GAB1: variants seen among roughly 807,000 people sequenced by gnomAD.
GAB1 encodes GRB2-associated-binding protein 1.
GAB1 carries 19 observed loss-of-function variants against 66.5 expected under a neutral mutation model. That is an observed-to-expected ratio of 0.29 (90% CI 0.20 to 0.42). The LOEUF (loss-of-function observed/expected upper bound fraction) is 0.42, where lower values mean the gene tolerates loss of function less well. Among genes scored for constraint, GAB1 ranks in the 10% least tolerant of loss-of-function variants. GAB1 has a pLI of 1.00. For synonymous variants in GAB1, 294 were observed against 301.4 expected, an observed-to-expected ratio of 0.98 and a Z score of 0.25; for missense variants, 732 against 858.5, an observed-to-expected ratio of 0.85 and a Z score of 1.84.
At chr4:143,352,681 A>G (rs1463189369) in intron 1 of GAB1, among the ~76,000 whole-genome samples, 1 of 152,206 alleles carries the variant, frequency 6.6e-6, no homozygotes, top group Non-Finnish European at 1.5e-5. Context: ...ACCCCTGCTG[A>G]TTCTGAAGTA....
intron 2 of GAB1, among the ~76,000 whole-genome samples, chr4:143,423,499 C>T (rs1034169039): frequency 5.9e-5 from 9 of 151,930 alleles, no homozygotes; most frequent in African/African-American, 2.4e-5. Flanking sequence ...AGATCGAGAC[C>T]ATCCTGGCTA....
At chr4:143,446,706 A>G (rs1734569569) in intron 6 of GAB1, among the ~76,000 whole-genome samples, 1 of 152,136 alleles carries the variant, frequency 6.6e-6, no homozygotes, top group Non-Finnish European at 1.5e-5. Flanking sequence ...CCTTTGCCAG[A>G]TGAGTAGGTT....
At chr4:143,369,193 G>A (rs1730012569) in intron 1 of GAB1, among the ~76,000 whole-genome samples, 1 of 151,764 alleles carries the variant, frequency 6.6e-6, no homozygotes, top group Non-Finnish European at 1.5e-5. Flanking sequence ...CACCCACCTT[G>A]GCCTCCCGGA....
intron 6 of GAB1, among the ~76,000 whole-genome samples, chr4:143,444,941 T>C (rs1734430857): frequency 6.6e-6 from 1 of 152,198 alleles, no homozygotes; most frequent in Non-Finnish European, 1.5e-5. Flanking sequence ...GATTTCATTC[T>C]TTTTATGGCT....
intron 1 of GAB1, among the ~76,000 whole-genome samples, chr4:143,339,477 C>CTGCA (rs1432488532): frequency 2.0e-5 from 3 of 152,234 alleles, no homozygotes; most frequent in African/African-American, 7.2e-5. Flanking sequence ...TGCCATTGCA[C>CTGCA]TGCAGCCTGG....
chr4:143,398,814 C>G (rs1731593153), intron 1 of GAB1, among the ~76,000 whole-genome samples: 1 of 152,048 alleles, frequency 6.6e-6, no homozygotes, highest in African/African-American at 2.4e-5. Context: ...AATCCCAGCA[C>G]TTTGGGAAGC....
At chr4:143,445,120 G>A (rs145662590) in intron 6 of GAB1, among the ~76,000 whole-genome samples, 1 of 152,272 alleles carries the variant, frequency 6.6e-6, no homozygotes, top group African/African-American at 2.4e-5. Flanking sequence ...TAATGGAATT[G>A]CTAGGTTTAA....
chr4:143,378,850 T>C (rs1730533872), intron 1 of GAB1, among the ~76,000 whole-genome samples: 1 of 152,134 alleles, frequency 6.6e-6, no homozygotes. Context: ...GCTGACCCTT[T>C]GTATCTCCCA....
At chr4:143,427,461 G>A (rs1043301762) in intron 2 of GAB1, among the ~76,000 whole-genome samples, 4 of 151,992 alleles carry the variant, frequency 2.6e-5, no homozygotes, top group African/African-American at 7.2e-5. Flanking sequence ...ACGGGGTTGC[G>A]GGTAAATACA....
intron 1 of GAB1, chr4:143,343,610 T>G (rs1291473893): frequency 3.9e-5 from 6 of 154,856 alleles, no homozygotes. Flanking sequence ...GAAGACAAGC[T>G]GTCAGTCATT....
intron 2 of GAB1, among the ~76,000 whole-genome samples, chr4:143,423,792 GTATATATATATATATATATA>G (rs35559967): frequency 0.19 from 12,801 of 67,806 alleles, 1,414 homozygotes; most frequent in Non-Finnish European, 0.24. Context: ...AAAAAAAAGT[GTATATATATATATATATATA>G]TATATATATA....
chr4:143,380,312 A>G (rs895526895), intron 1 of GAB1, among the ~76,000 whole-genome samples: 2 of 152,148 alleles, frequency 1.3e-5, no homozygotes, highest in Admixed American at 1.3e-4. Context: ...TAGCCAAGCT[A>G]TAAAATCAAA....
chr4:143,384,284 ATAAT>A (rs1427967490), intron 1 of GAB1, among the ~76,000 whole-genome samples: 2 of 152,240 alleles, frequency 1.3e-5, no homozygotes, highest in African/African-American at 4.8e-5. Context: ...ACTAGTTATA[ATAAT>A]TAATTTTTAA....
At chr4:143,393,924 G>A (rs1436097107) in intron 1 of GAB1, among the ~76,000 whole-genome samples, 2 of 152,126 alleles carry the variant, frequency 1.3e-5, no homozygotes, top group South Asian at 2.1e-4. Flanking sequence ...AAGAAATAAA[G>A]TGGAAATAAA....
Position 143,466,242 on chromosome 4 carries a change from A to C in GAB1, c.1926+17A>C, listed in dbSNP as rs982527171. 8.1e-6 allele frequency: 13 copies of C among 1,612,120 alleles called. No homozygotes were observed. Among genetic ancestry groups the C allele is most frequent in the African/African-American group, 1.3e-5 (1 of 74,990 alleles). On this transcript the variant is annotated intron_variant, in intron 9 of 9. Transcript: ENST00000262994. ...CCACGTAAGGTGAGTGACATGTGAC[A>C]TGTCTCTTCTTTGTATACAGTTAGT...
At chr4:143,388,929 T>C (rs1009394421) in intron 1 of GAB1, among the ~76,000 whole-genome samples, 4 of 152,180 alleles carry the variant, frequency 2.6e-5, no homozygotes, top group Admixed American at 1.3e-4. Context: ...TTGCAAGGCA[T>C]AAGGAGGAGC....
intron 1 of GAB1, among the ~76,000 whole-genome samples, chr4:143,365,465 C>G (rs1729844840): frequency 6.6e-6 from 1 of 152,046 alleles, no homozygotes; most frequent in Admixed American, 6.5e-5. Flanking sequence ...TAGAAGACAC[C>G]AAGATGTGCT....
rs1216554418 is a variant in GAB1, at chr4:143,473,732, T to A, written c.*4543T>A. The A allele has an allele frequency of 2.0e-5, 3 of 152,206 alleles. No individual in the cohort carries two copies. Among genetic ancestry groups the A allele is most frequent in the Admixed American group, 6.6e-5 (1 of 15,264 alleles). 9.4% of individuals were successfully genotyped at this position (152,206 alleles called of 1,614,324 possible). A position where few individuals can be genotyped will look rare whatever the true frequency, so the allele number is the denominator to read the frequency against. ...TTATTAACTGGCTGGGATTTTTCAT[T>A]TCTATGAAAGTTTCAAACATCTCCA... On this transcript the variant is annotated 3_prime_UTR_variant, in exon 10 of 10. Transcript: ENST00000262994.
At chr4:143,437,957 G>C in intron 3 of GAB1, 42 bp from the exon 4 acceptor site, 1 of 1,554,988 alleles carries the variant, frequency 6.4e-7, no homozygotes, top group Non-Finnish European at 8.7e-7. Context: ...TGTATTCTTA[G>C]TCTCCACCTT....
Sources: allele counts gnomAD v4.1 joint callset (sites outside exome capture counted in the v4.1 genomes callset), GRCh38; gene constraint gnomAD v4.1.1; transcripts MANE v1.5; gene names NCBI Gene and HGNC (gene_info 2026-07-23, HGNC 2026-07-21).